Variants in ASAP1 observed in about 807,000 individuals in gnomAD.
ASAP1 encodes the protein ArfGAP with SH3 domain, ankyrin repeat and PH domain 1, also known as arf-GAP with SH3 domain, ANK repeat and PH domain-containing protein 1.
Under a neutral mutation model 145.2 loss-of-function variants are expected in ASAP1, and 43 were observed. The ratio of observed to expected loss-of-function variants is 0.30; its 90% CI spans 0.23 to 0.38. ASAP1 has a LOEUF of 0.38. ASAP1 is among the 10% of genes least tolerant of loss of function. The pLI is 1.00. For missense variants in ASAP1, 1,018 were observed against 1,355.3 expected (o/e 0.75, Z 3.91); for synonymous variants, 546 against 515.5 (o/e 1.06, Z -0.80).
At chr8:130,131,052 G>A (rs1343828949) in intron 15 of ASAP1, among the ~76,000 whole-genome samples, 1 of 152,048 alleles carries the variant, frequency 6.6e-6, no homozygotes, top group African/African-American at 2.4e-5. Context: ...AGGTACTCGC[G>A]AGGCTGAGGC....
At chr8:130,323,710 C>G (rs1020983182) in intron 3 of ASAP1, among the ~76,000 whole-genome samples, 1 of 152,134 alleles carries the variant, frequency 6.6e-6, no homozygotes, top group African/African-American at 2.4e-5. Flanking sequence ...AAGAATTTAT[C>G]ATACTATATT....
chr8:130,227,218 G>C (rs1565111126), intron 4 of ASAP1, among the ~76,000 whole-genome samples: 1 of 151,982 alleles, frequency 6.6e-6, no homozygotes, highest in South Asian at 2.1e-4. Context: ...CCTACGATAG[G>C]ACTCAGCCTG....
At chr8:130,395,630 T>A (rs1403761388) in intron 2 of ASAP1, among the ~76,000 whole-genome samples, 2 of 151,962 alleles carry the variant, frequency 1.3e-5, no homozygotes, top group Non-Finnish European at 2.9e-5. Context: ...GCCAACACGT[T>A]GATCTTGAAC....
In ASAP1 at chr8:130,205,394, A is replaced by C. The variant is rs570401289; in HGVS notation, c.405+9162T>G. On this transcript the variant is annotated intron_variant, in intron 5 of 29. Transcript: ENST00000518721. ...TGAATCCTTATAAGAAAAAAAAAAA[A>C]AAAAAACAAAAACCATATTCAAATT... is the stretch of plus-strand genomic sequence containing the variant. Among the ~76,000 whole-genome samples the C allele has an allele frequency of 3.9e-4, 59 of 151,742 alleles. 1 individual carries two copies. The highest frequency in any genetic ancestry group is 1.9e-3 in the South Asian group (9 of 4,824).
At chr8:130,429,228 A>G (rs1830054866) in intron 1 of ASAP1, among the ~76,000 whole-genome samples, 1 of 152,184 alleles carries the variant, frequency 6.6e-6, no homozygotes, top group Admixed American at 6.5e-5. Context: ...GTAAATAAAA[A>G]CACAATCTGA....
chr8:130,441,025 C>A (rs974765482), intron 1 of ASAP1, among the ~76,000 whole-genome samples: 2 of 152,206 alleles, frequency 1.3e-5, no homozygotes, highest in Non-Finnish European at 2.9e-5. Flanking sequence ...ACCACTGTAT[C>A]ATCAGGACTC....
chr8:130,155,506 A>G (rs1461264233), intron 12 of ASAP1, among the ~76,000 whole-genome samples: 1 of 152,152 alleles, frequency 6.6e-6, no homozygotes, highest in African/African-American at 2.4e-5. Flanking sequence ...AGCTGGGCCT[A>G]CAAGCATGTG....
chr8:130,133,110 A>G (rs2097585628), intron 15 of ASAP1, among the ~76,000 whole-genome samples: 1 of 152,134 alleles, frequency 6.6e-6, no homozygotes, highest in African/African-American at 2.4e-5. Context: ...GACAGTTTAT[A>G]AAACTCGGTC....
intron 3 of ASAP1, among the ~76,000 whole-genome samples, chr8:130,265,913 A>G (rs947286464): frequency 2.6e-4 from 39 of 152,240 alleles, no homozygotes; most frequent in Admixed American, 4.6e-4. Flanking sequence ...CCAGTGTTAC[A>G]GCATAAAGCA....
intron 3 of ASAP1, among the ~76,000 whole-genome samples, chr8:130,326,674 G>A (rs1379428866): frequency 1.3e-5 from 2 of 152,210 alleles, no homozygotes; most frequent in Non-Finnish European, 2.9e-5. Flanking sequence ...ACAAATAAAT[G>A]TAAATGTTCA....
At chr8:130,067,793 T>C (rs1276629682) in intron 27 of ASAP1, among the ~76,000 whole-genome samples, 2 of 152,202 alleles carry the variant, frequency 1.3e-5, no homozygotes, top group Admixed American at 6.5e-5. Flanking sequence ...AAAGTGTACA[T>C]AGCACACTGC....
chr8:130,345,851 T>C (rs879712538), intron 3 of ASAP1, among the ~76,000 whole-genome samples: 2 of 152,224 alleles, frequency 1.3e-5, no homozygotes, highest in Non-Finnish European at 2.9e-5. Context: ...CTGTGACTAG[T>C]ATTACTAGGC....
intron 1 of ASAP1, among the ~76,000 whole-genome samples, chr8:130,425,388 A>G: frequency 6.6e-6 from 1 of 151,496 alleles, no homozygotes; most frequent in Admixed American, 6.6e-5. Context: ...ATGGTGTCAC[A>G]CAGCTGTAGT....
chr8:130,317,385 T>G (rs1479985520), intron 3 of ASAP1, among the ~76,000 whole-genome samples: 1 of 152,182 alleles, frequency 6.6e-6, no homozygotes, highest in East Asian at 1.9e-4. Context: ...TACGATAAAC[T>G]GAAATGCCAC....
chr8:130,434,777 G>A lies in ASAP1; in HGVS notation c.-28+8683C>T, dbSNP rs192532884. ...CCAGAACGGCTCTCTGTGACGGCTC[G>A]GCCCATATTGATGAGGTCCTGAGGG... On this transcript the variant is annotated intron_variant, in intron 1 of 29. Transcript: ENST00000518721. Among the ~76,000 whole-genome samples the A allele has an allele frequency of 1.4e-3, 206 of 152,154 alleles. 1 individual carries two copies. Among genetic ancestry groups the A allele is most frequent in the East Asian group, 3.9e-3 (20 of 5,174 alleles).
intron 5 of ASAP1, among the ~76,000 whole-genome samples, chr8:130,209,219 A>C (rs1267918066): frequency 6.6e-6 from 1 of 152,202 alleles, no homozygotes; most frequent in African/African-American, 2.4e-5. Context: ...AGTATGCAGA[A>C]AAAGTACTTT....
Position 130,125,988 on chromosome 8 carries a change from C to G in ASAP1, c.1483G>C (p.Glu495Gln). ...TCAGAAGTTCCTAATTTGTCTAGTT[C>G]CAAAGACTGAATGCGAGAAATATGA... ...GVHISRIQSL[E>Q]LDKLGTSELL... The change falls in exon 17 of 30, where the codon GAA becomes CAA. Residue 495 changes from glutamate to glutamine, a missense_variant. By Grantham distance (29) the Glu-to-Gln change is conservative. Transcript: ENST00000518721. 6.2e-7 allele frequency: 1 copy of G among 1,613,890 alleles called. No homozygotes were observed. Among genetic ancestry groups the G allele is most frequent in the Non-Finnish European group, 8.5e-7 (1 of 1,179,914 alleles).
chr8:130,169,685 T>G (rs746157801), intron 9 of ASAP1, among the ~76,000 whole-genome samples: 10 of 152,236 alleles, frequency 6.6e-5, no homozygotes, highest in Non-Finnish European at 1.0e-4. Context: ...TGTGGAGCAT[T>G]TAGCACATGC....
intron 9 of ASAP1, among the ~76,000 whole-genome samples, chr8:130,171,764 C>T (rs1480941334): frequency 6.6e-6 from 1 of 152,210 alleles, no homozygotes; most frequent in African/African-American, 2.4e-5. Context: ...GCCTAAGTGC[C>T]AGACCTGGAG....
Sources: gnomAD v4.1 joint callset for allele counts (sites outside exome capture counted in the v4.1 genomes callset) on GRCh38, gnomAD v4.1.1 for gene constraint, MANE v1.5 for transcripts, NCBI Gene and HGNC (gene_info 2026-07-23, HGNC 2026-07-21) for gene names.